SLIT1: variants seen among roughly 807,000 people sequenced by gnomAD.
SLIT1 encodes slit homolog 1 protein.
A neutral mutation model predicts 186.1 loss-of-function variants in SLIT1; 66 were observed. The observed-to-expected ratio is 0.35, with a 90% confidence interval of 0.29 to 0.44. The LOEUF (loss-of-function observed/expected upper bound fraction) is 0.44. SLIT1 is among the 20% of genes least tolerant of loss of function. The probability of loss-of-function intolerance (pLI) is 1.00; values close to 1 mark genes in which losing one functional copy is unlikely to be tolerated. For missense variants in SLIT1, 1,638 were observed against 2,037.4 expected, an observed-to-expected ratio of 0.80 and a Z score of 3.77; for synonymous variants, 761 against 833.8, an observed-to-expected ratio of 0.91 and a Z score of 1.50.
At chr10:97,060,365 G>T (rs549736269) in intron 9 of SLIT1, among the ~76,000 whole-genome samples, 2 of 152,338 alleles carry the variant, frequency 1.3e-5, no homozygotes, top group Non-Finnish European at 2.9e-5. Flanking sequence ...GGCATTTGTA[G>T]CTGAAAGGGG....
chr10:97,032,007 G>A (rs1848595785), intron 23 of SLIT1, among the ~76,000 whole-genome samples: 1 of 152,260 alleles, frequency 6.6e-6, no homozygotes, highest in African/African-American at 2.4e-5. Context: ...CTCAACAAAG[G>A]AGAGTTGCTG....
At chr10:97,142,633 C>T (rs1391082501) in intron 4 of SLIT1, among the ~76,000 whole-genome samples, 1 of 152,132 alleles carries the variant, frequency 6.6e-6, no homozygotes, top group Non-Finnish European at 1.5e-5. Flanking sequence ...CTACATCAAA[C>T]TTAAAACCAT....
chr10:97,043,409 G>T lies in SLIT1; in HGVS notation c.1958C>A (p.Ser653Tyr). The change falls in exon 19 of 37, where the codon TCC becomes TAC. Residue 653 changes from serine to tyrosine, a missense_variant. Transcript: ENST00000266058. This position sits in a 1 kb window ranked among gnomAD's most constrained non-coding sequence, Gnocchi z 7.0. ...CTGGAGGGTGTCGAAGGCTCCTGGG[G>T]ATACGGTGGTGATCTGGTTGTCGTA... is the stretch of plus-strand genomic sequence containing the variant. ...SLYDNQITTV[S>Y]PGAFDTLQSL... 6.2e-7 allele frequency: 1 copy of T among 1,613,974 alleles called. No homozygotes were observed. Among genetic ancestry groups the T allele is most frequent in the Non-Finnish European group, 8.5e-7 (1 of 1,180,010 alleles).
intron 4 of SLIT1, among the ~76,000 whole-genome samples, chr10:97,112,049 G>T (rs1008628437): frequency 6.6e-6 from 1 of 152,132 alleles, no homozygotes; most frequent in Admixed American, 6.5e-5. Flanking sequence ...CTGACAGCTC[G>T]GCTCCATTTG....
chr10:97,185,052 C>A (rs1217724031), intron 1 of SLIT1, among the ~76,000 whole-genome samples: 2 of 152,242 alleles, frequency 1.3e-5, no homozygotes, highest in Non-Finnish European at 2.9e-5. Flanking sequence ...CGGGAATCTG[C>A]GCAGCTGGCT....
intron 25 of SLIT1, among the ~76,000 whole-genome samples, chr10:97,029,492 A>G (rs1369204293): frequency 6.6e-6 from 1 of 152,204 alleles, no homozygotes; most frequent in Admixed American, 6.5e-5. Context: ...CAGTTCTCCT[A>G]TCCTGCCTCA....
At chr10:97,099,196 G>A (rs1849324318) in intron 4 of SLIT1, among the ~76,000 whole-genome samples, 1 of 152,104 alleles carries the variant, frequency 6.6e-6, no homozygotes, top group African/African-American at 2.4e-5. Context: ...TTGGGAACGT[G>A]AGACAGGACG....
At position 97,185,540 on chromosome 10, in the gene SLIT1, C is replaced by T. The variant is rs1176448817; in HGVS notation, c.135G>A (p.Val45=). Reference sequence around the variant, plus strand: ...CCTGCAGCCCCGTGCCGTGGCAGTCCACCGTGGTTCCGGTGCAGGTGCAGA... The same window carrying T: ...CCTGCAGCCCCGTGCCGTGGCAGTCTACCGTGGTTCCGGTGCAGGTGCAGA... The part of the protein sequence containing the change: ...PALCTCTGTT[V]DCHGTGLQAI... Residue 45 remains valine, a synonymous_variant, in exon 1 of 37, where the codon GTG becomes GTA. Transcript: ENST00000266058. The T allele has an allele frequency of 6.2e-7, 1 of 1,611,908 alleles. No individual in the cohort carries two copies. Among genetic ancestry groups the T allele is most frequent in the African/African-American group, 1.3e-5 (1 of 74,878 alleles).
intron 4 of SLIT1, among the ~76,000 whole-genome samples, chr10:97,113,633 A>G (rs1246077464): frequency 6.6e-6 from 1 of 150,746 alleles, no homozygotes; most frequent in Non-Finnish European, 1.5e-5. Context: ...GCTCACTGCA[A>G]CCTCCGCCTC....
chr10:97,025,266 A>T (rs1848534761), intron 25 of SLIT1, among the ~76,000 whole-genome samples: 1 of 152,252 alleles, frequency 6.6e-6, no homozygotes, highest in South Asian at 2.1e-4. Flanking sequence ...CTTGTGGCTC[A>T]TGCCACACCA....
intron 16 of SLIT1, 32 bp from the exon 17 acceptor site, chr10:97,047,097 A>T (rs1488543240): frequency 7.3e-7 from 1 of 1,365,308 alleles, no homozygotes; most frequent in Non-Finnish European, 1.0e-6. Flanking sequence ...TTGCACATTC[A>T]CAAATGATGG....
intron 4 of SLIT1, among the ~76,000 whole-genome samples, chr10:97,152,700 A>G (rs1849895254): frequency 6.6e-6 from 1 of 152,230 alleles, no homozygotes; most frequent in South Asian, 2.1e-4. Flanking sequence ...AACGTAACAC[A>G]TGCTTCTTAA....
chr10:97,001,595 A>AGG lies in SLIT1; in HGVS notation c.4367-247_4367-246dup, dbSNP rs11465175. ...CAGGACAGACTGAACTGCTGGAGGGAGGGGGGGTCCCCATTGCTAGAGGCG... is the reference window on the plus strand; with the variant it reads ...CAGGACAGACTGAACTGCTGGAGGGAGGGGGGGGGTCCCCATTGCTAGAGGCG... On this transcript the variant is annotated intron_variant, in intron 36 of 36. Coordinates refer to ENST00000266058, the MANE Select transcript of SLIT1 (RefSeq NM_003061.3). Among the ~76,000 whole-genome samples the AGG allele has an allele frequency of 1.2e-4, 18 of 152,030 alleles. No homozygotes were observed. The South Asian group carries it at 1.7e-3, about 14-fold the overall frequency.
At chr10:97,071,218 C>T (rs538012221) in intron 4 of SLIT1, among the ~76,000 whole-genome samples, 191 of 152,292 alleles carry the variant, frequency 1.3e-3, no homozygotes, top group African/African-American at 4.4e-3. Context: ...GGGGAGAAGA[C>T]AGACACAGCC....
rs753724001 is a variant in SLIT1, at chr10:97,004,134, G to T, written c.3799C>A (p.Pro1267Thr). The T allele has an allele frequency of 6.2e-7, 1 of 1,614,014 alleles. No homozygotes were observed. The highest frequency in any genetic ancestry group is 1.1e-5 in the South Asian group (1 of 91,068). The change falls in exon 34 of 37, where the codon CCC becomes ACC. Residue 1267 changes from proline to threonine, a missense_variant. Physicochemically the swap from Pro to Thr is conservative, Grantham distance 38. Coordinates refer to ENST00000266058, the MANE Select transcript of SLIT1 (RefSeq NM_003061.3). The surrounding 1 kb of genome is among the most constrained non-coding windows in gnomAD (Gnocchi z 5.1). ...TTGCCAAAGTTGTCCATGGTCATGG[G>T]GCTCCCGCCATCAATGGAGAGATTC... is the stretch of plus-strand genomic sequence containing the variant. ...MVNLSIDGGS[P>T]MTMDNFGKHY... is the part of the protein sequence containing the mutation.
chr10:97,043,537 G>A lies in SLIT1; in HGVS notation c.1854-24C>T. On this transcript the variant is annotated intron_variant, in intron 18 of 36. Transcript: ENST00000266058. The surrounding 1 kb of genome is among the most constrained non-coding windows in gnomAD (Gnocchi z 7.0). ...TTCTGGGGAGGAACGGGGGAGGGAG[G>A]AGGGGACCCTTGCTGCCCTGCCAGC... is the stretch of plus-strand genomic sequence containing the variant. The A allele has an allele frequency of 6.2e-7, 1 of 1,605,290 alleles. No individual in the cohort carries two copies. The highest frequency in any genetic ancestry group is 8.5e-7 in the Non-Finnish European group (1 of 1,174,500).
chr10:97,018,487 C>G, intron 28 of SLIT1, 99 bp downstream of exon 28: 1 of 716,440 alleles, frequency 1.4e-6, no homozygotes, highest in Non-Finnish European at 2.3e-6. Flanking sequence ...CCACAGGGCA[C>G]AGGAGGCCTG....
intron 4 of SLIT1, among the ~76,000 whole-genome samples, chr10:97,151,761 G>C (rs777633671): frequency 1.2e-4 from 18 of 152,164 alleles, no homozygotes; most frequent in Non-Finnish European, 2.4e-4. Context: ...AGAGTGTTCT[G>C]ATGATGAAAT....
At chr10:97,125,533 CAAAAAAAA>C (rs34143370) in intron 4 of SLIT1, among the ~76,000 whole-genome samples, 2 of 115,552 alleles carry the variant, frequency 1.7e-5, no homozygotes, top group Admixed American at 9.3e-5. Flanking sequence ...GACCCTGTGT[CAAAAAAAA>C]AAAAAAAAAA....
Sources: gnomAD v4.1 joint callset for allele counts (sites outside exome capture counted in the v4.1 genomes callset) on GRCh38, gnomAD v4.1.1 for gene constraint, Gnocchi (gnomAD v3.1) non-coding constraint, MANE v1.5 for transcripts, NCBI Gene and HGNC (gene_info 2026-07-23, HGNC 2026-07-21) for gene names.